The following BBS9 variants were observed in gnomAD, a reference collection of about 807,000 sequenced individuals.
The protein encoded by BBS9 is protein PTHB1.
A neutral mutation model predicts 117.7 loss-of-function variants in BBS9; 89 were observed. The ratio of observed to expected loss-of-function variants is 0.76; its 90% CI spans 0.64 to 0.90. BBS9 has a LOEUF of 0.90. Ranked by LOEUF, BBS9 falls within the 40% of genes least tolerant of loss-of-function variation. The probability of loss-of-function intolerance (pLI) is 0.00; values close to 1 mark genes in which losing one functional copy is unlikely to be tolerated. For missense variants in BBS9, 982 were observed against 1,042.2 expected (o/e 0.94, Z 0.80); for synonymous variants, 379 against 370.9 (o/e 1.02, Z -0.25).
intron 19 of BBS9, among the ~76,000 whole-genome samples, chr7:33,421,488 T>C (rs1832853794): frequency 6.6e-6 from 1 of 152,200 alleles, no homozygotes; most frequent in Admixed American, 6.6e-5. Context: ...CATAGAAATG[T>C]ATAAACCTCC....
chr7:33,605,109 G>T, intron 22 of BBS9, 86 bp from the exon 23 acceptor site: 1 of 1,479,868 alleles, frequency 6.8e-7, no homozygotes, highest in East Asian at 2.3e-5. Flanking sequence ...CCTTAGCACT[G>T]GTGCAGCTGA....
intron 20 of BBS9, among the ~76,000 whole-genome samples, chr7:33,526,241 C>G (rs900187067): frequency 1.3e-5 from 2 of 152,138 alleles, no homozygotes; most frequent in African/African-American, 4.8e-5. Flanking sequence ...AGTTGCTCTT[C>G]TGGAGGAGTA....
In BBS9 at chr7:33,480,529, T is replaced by C. The variant is rs565684802; in HGVS notation, c.2116-24934T>C. The stretch of plus-strand genomic sequence containing the variant: ...TGGGCAAGAATGTCTTGTCAAAGCT[T>C]CACAAAGGAAGTTCTCATGATGGGT... On this transcript the variant is annotated intron_variant, in intron 19 of 22. Transcript: ENST00000242067. 3.9e-5 allele frequency among the ~76,000 whole-genome samples: 6 copies of C among 152,298 alleles called. No homozygotes were observed. The East Asian group carries it at 1.2e-3, about 29-fold the overall frequency.
At chr7:33,593,211 A>C (rs1365437516) in intron 21 of BBS9, among the ~76,000 whole-genome samples, 1 of 152,160 alleles carries the variant, frequency 6.6e-6, no homozygotes, top group Non-Finnish European at 1.5e-5. Context: ...TAGATCTTAC[A>C]TTTCATTGCA....
At chr7:33,451,530 C>T (rs1028265031) in intron 19 of BBS9, among the ~76,000 whole-genome samples, 1 of 152,126 alleles carries the variant, frequency 6.6e-6, no homozygotes, top group African/African-American at 2.4e-5. Context: ...TTTCTGGGCT[C>T]TCTGTTCTGT....
At chr7:33,353,412 C>A (rs1388526325) in intron 15 of BBS9, among the ~76,000 whole-genome samples, 1 of 152,074 alleles carries the variant, frequency 6.6e-6, no homozygotes, top group East Asian at 1.9e-4. Context: ...TTGTTACTCA[C>A]TTTGTTTTCC....
intron 19 of BBS9, among the ~76,000 whole-genome samples, chr7:33,434,355 T>G (rs1319237825): frequency 6.6e-6 from 1 of 152,084 alleles, no homozygotes; most frequent in Non-Finnish European, 1.5e-5. Context: ...TCTGTCTTTT[T>G]AGTAATATAT....
intron 21 of BBS9, among the ~76,000 whole-genome samples, chr7:33,580,322 A>C (rs904246083): frequency 2.0e-5 from 3 of 151,588 alleles, no homozygotes; most frequent in Non-Finnish European, 4.4e-5. Flanking sequence ...ACTCGAGAAA[A>C]GAAAGTTAAT....
chr7:33,532,505 G>A (rs556090012), intron 20 of BBS9, among the ~76,000 whole-genome samples: 1 of 152,292 alleles, frequency 6.6e-6, no homozygotes, highest in African/African-American at 2.4e-5. Context: ...TCACAGGGCA[G>A]CAGGAGAGAG....
intron 6 of BBS9, among the ~76,000 whole-genome samples, chr7:33,262,310 C>G (rs953714151): frequency 5.3e-5 from 8 of 152,106 alleles, no homozygotes; most frequent in African/African-American, 1.9e-4. Context: ...CTTCAAACAG[C>G]TCAAAGAGTT....
At chr7:33,246,793 G>T (rs977365393) in intron 5 of BBS9, among the ~76,000 whole-genome samples, 5 of 152,014 alleles carry the variant, frequency 3.3e-5, no homozygotes, top group Non-Finnish European at 7.4e-5. Context: ...GAGAGAATAC[G>T]AATGTGAATA....
intron 19 of BBS9, among the ~76,000 whole-genome samples, chr7:33,426,393 C>G (rs534231654): frequency 1.6e-4 from 25 of 152,216 alleles, no homozygotes; most frequent in African/African-American, 5.5e-4. Flanking sequence ...TTTTAAAGAG[C>G]ATTTCTTTAT....
downstream of BBS9, among the ~76,000 whole-genome samples, chr7:33,607,193 C>CT: frequency 6.6e-6 from 1 of 152,242 alleles, no homozygotes; most frequent in East Asian, 1.9e-4. Flanking sequence ...AAAAGGTCAA[C>CT]TAATCTCCTA....
At chr7:33,610,921 A>G (rs1864821946), downstream of BBS9, among the ~76,000 whole-genome samples, 1 of 152,078 alleles carries the variant, frequency 6.6e-6, no homozygotes, top group African/African-American at 2.4e-5. Flanking sequence ...TTATACATTC[A>G]GGGACAGTTC....
chr7:33,591,067 C>T (rs1861837327), intron 21 of BBS9, among the ~76,000 whole-genome samples: 1 of 151,932 alleles, frequency 6.6e-6, no homozygotes, highest in Non-Finnish European at 1.5e-5. Context: ...TGGTCATTTC[C>T]TTAGATTTAC....
intron 19 of BBS9, among the ~76,000 whole-genome samples, chr7:33,493,526 A>G (rs985649624): frequency 6.6e-6 from 1 of 152,196 alleles, no homozygotes; most frequent in African/African-American, 2.4e-5. Flanking sequence ...CTCATACCTA[A>G]TTTTGTCACA....
At chr7:33,366,736 G>A (rs1019952214) in intron 16 of BBS9, among the ~76,000 whole-genome samples, 20 of 151,734 alleles carry the variant, frequency 1.3e-4, no homozygotes, top group Admixed American at 2.0e-4. Flanking sequence ...AGTAGAGATG[G>A]GGTTTCACTG....
At position 33,483,937 on chromosome 7, in the gene BBS9, C is replaced by A. The variant is rs538770201; in HGVS notation, c.2116-21526C>A. ...TACAGATGTGAGCCACTGCGCTGAC[C>A]TCAACAGACCTTTACTGAGTTTTAT... On this transcript the variant is annotated intron_variant, in intron 19 of 22. Coordinates refer to ENST00000242067, the MANE Select transcript of BBS9 (RefSeq NM_198428.3). Among the ~76,000 whole-genome samples, 8 of 152,268 alleles carry A rather than the reference C, an allele frequency of 5.3e-5. 1 individual carries two copies. The South Asian group carries it at 1.7e-3, about 32-fold the overall frequency.
rs145485929 is a variant in BBS9, at chr7:33,188,080, A to ATGTG, written c.442+10518_442+10521dup. 4.1e-3 allele frequency among the ~76,000 whole-genome samples: 300 copies of ATGTG among 73,078 alleles called. 2 individuals are homozygous for ATGTG. Among genetic ancestry groups the ATGTG allele is most frequent in the African/African-American group, 0.013 (223 of 16,648 alleles). The allele number at this position is 73,078 out of a possible 152,430, so 47.9% of individuals were successfully genotyped here. A position where few individuals can be genotyped will look rare whatever the true frequency, so the allele number is the denominator to read the frequency against. On this transcript the variant is annotated intron_variant, in intron 5 of 22. Transcript: ENST00000242067. ...AGAGCAGCTCCCTGTAGTTGAGTGA[A>ATGTG]TGTGTGTGTGTGTGTGTGTGTGTGT... is the stretch of plus-strand genomic sequence containing the variant.
Sources: allele counts gnomAD v4.1 joint callset (sites outside exome capture counted in the v4.1 genomes callset), GRCh38; gene constraint gnomAD v4.1.1; transcripts MANE v1.5; gene names NCBI Gene and HGNC (gene_info 2026-07-23, HGNC 2026-07-21).